The following CTTNBP2 variants were observed in gnomAD, a reference collection of about 807,000 sequenced individuals.
CTTNBP2 encodes the protein cortactin binding protein 2, also known as cortactin-binding protein 2.
In CTTNBP2, 108 loss-of-function variants were observed where a neutral mutation model predicts 156.9. The ratio of observed to expected loss-of-function variants is 0.69; its 90% CI spans 0.59 to 0.81. The LOEUF is 0.81. Among genes scored for constraint, CTTNBP2 ranks in the 30% least tolerant of loss-of-function variants. CTTNBP2 has a pLI of 0.00. For missense variants in CTTNBP2, 1,924 were observed against 2,035.4 expected, an observed-to-expected ratio of 0.95 and a Z score of 1.05; for synonymous variants, 767 against 751.8, an observed-to-expected ratio of 1.02 and a Z score of -0.33.
intron 14 of CTTNBP2, among the ~76,000 whole-genome samples, chr7:117,743,936 G>A (rs976530151): frequency 1.3e-5 from 2 of 151,904 alleles, no homozygotes; most frequent in African/African-American, 4.8e-5. Flanking sequence ...GATTCTACTG[G>A]AATTTTCCTG....
At chr7:117,736,619 C>T (rs965628668) in intron 14 of CTTNBP2, among the ~76,000 whole-genome samples, 2 of 152,104 alleles carry the variant, frequency 1.3e-5, no homozygotes, top group Non-Finnish European at 2.9e-5. Context: ...GAAGGACTGA[C>T]TTTCTGTCAA....
chr7:117,873,140 G>A (rs540792729), intron 1 of CTTNBP2, among the ~76,000 whole-genome samples, 195 bp downstream of exon 1: 3 of 152,302 alleles, frequency 2.0e-5, no homozygotes, highest in Admixed American at 1.3e-4. Context: ...CCCAGCCAGG[G>A]TGGCCGCTCC....
chr7:117,846,019 T>A (rs1288444645), intron 2 of CTTNBP2, among the ~76,000 whole-genome samples: 3 of 144,858 alleles, frequency 2.1e-5, no homozygotes, highest in African/African-American at 7.6e-5. Context: ...CCCGGCTAAT[T>A]TTTTTGTATT....
At chr7:117,774,617 C>T (rs1797995264) in intron 8 of CTTNBP2, among the ~76,000 whole-genome samples, 1 of 139,910 alleles carries the variant, frequency 7.1e-6, no homozygotes, top group East Asian at 2.6e-4. Context: ...AAACCATTCC[C>T]ACCCACCCCA....
At chr7:117,730,119 C>T (rs1795323269) in intron 16 of CTTNBP2, among the ~76,000 whole-genome samples, 2 of 152,180 alleles carry the variant, frequency 1.3e-5, no homozygotes, top group Admixed American at 6.6e-5. Flanking sequence ...ACGTAGTTGT[C>T]CCTGAGTTTT....
chr7:117,757,523 C>A, intron 11 of CTTNBP2, among the ~76,000 whole-genome samples: 1 of 119,042 alleles, frequency 8.4e-6, no homozygotes, highest in Non-Finnish European at 1.7e-5. Context: ...CATTATTAAG[C>A]ACAGTAAAAA....
At chr7:117,804,593 C>T (rs1465418341) in intron 3 of CTTNBP2, among the ~76,000 whole-genome samples, 1 of 152,154 alleles carries the variant, frequency 6.6e-6, no homozygotes, top group African/African-American at 2.4e-5. Flanking sequence ...TAAAGCTGTA[C>T]AAATGAACAA....
chr7:117,736,126 C>T (rs1204052297), intron 14 of CTTNBP2, among the ~76,000 whole-genome samples: 1 of 152,022 alleles, frequency 6.6e-6, no homozygotes, highest in Non-Finnish European at 1.5e-5. Context: ...CCTTAAATGA[C>T]CTTTAAATTA....
intron 1 of CTTNBP2, among the ~76,000 whole-genome samples, 187 bp downstream of exon 1, chr7:117,873,148 T>G (rs1412612368): frequency 6.6e-6 from 1 of 151,962 alleles, no homozygotes; most frequent in Non-Finnish European, 1.5e-5. Flanking sequence ...GGGTGGCCGC[T>G]CCGCTCCCCC....
chr7:117,791,021 A>C, intron 4 of CTTNBP2, 107 bp downstream of exon 4: 2 of 858,072 alleles, frequency 2.3e-6, no homozygotes, highest in Non-Finnish European at 3.6e-6. Flanking sequence ...GGTGGGGGGA[A>C]GCATCAAATT....
intron 2 of CTTNBP2, among the ~76,000 whole-genome samples, chr7:117,839,799 T>C (rs1364761408): frequency 6.6e-6 from 1 of 152,170 alleles, no homozygotes; most frequent in Admixed American, 6.5e-5. Flanking sequence ...CAGGGCCCCA[T>C]GGCATAATCC....
At chr7:117,720,173 C>T (rs1306639797) in intron 20 of CTTNBP2, among the ~76,000 whole-genome samples, 1 of 147,566 alleles carries the variant, frequency 6.8e-6, no homozygotes, top group East Asian at 1.9e-4. Context: ...CATGCAGTTT[C>T]CTTCATCTCC....
chr7:117,801,134 C>G (rs193169645), intron 3 of CTTNBP2, among the ~76,000 whole-genome samples: 1 of 152,180 alleles, frequency 6.6e-6, no homozygotes, highest in Admixed American at 6.5e-5. Context: ...CTTTTCCTTA[C>G]AGTAGAATGC....
chr7:117,827,581 G>A (rs1801363999), intron 2 of CTTNBP2, among the ~76,000 whole-genome samples: 1 of 152,176 alleles, frequency 6.6e-6, no homozygotes, highest in South Asian at 2.1e-4. Flanking sequence ...GAGAATGCAG[G>A]AAGTTTCCCT....
Position 117,861,188 on chromosome 7 carries a change from C to A in CTTNBP2, c.189+21G>T, listed in dbSNP as rs774706786. On this transcript the variant is annotated intron_variant, in intron 2 of 22. Coordinates refer to ENST00000160373, the MANE Select transcript of CTTNBP2 (RefSeq NM_033427.3). ...AAAGCAAATGATCCAGCATGGAGAC[C>A]CACTCCTGTGTCGTCCTTACCCGCA... is the stretch of plus-strand genomic sequence containing the variant. The A allele has an allele frequency of 2.0e-6, 3 of 1,464,070 alleles. No homozygotes were observed. In the South Asian group the frequency reaches 3.5e-5, roughly 17 times the overall value. 90.7% of individuals were successfully genotyped at this position (1,464,070 alleles called of 1,614,324 possible).
chr7:117,841,077 TAAAC>T (rs1802241841), intron 2 of CTTNBP2, among the ~76,000 whole-genome samples: 1 of 152,244 alleles, frequency 6.6e-6, no homozygotes. Flanking sequence ...TGTGTTAACT[TAAAC>T]AACATATTTA....
rs148907244 is a variant in CTTNBP2 at position 117,712,974 on chromosome 7, G to A, written c.4747-1192C>T. Among the ~76,000 whole-genome samples the A allele has an allele frequency of 6.6e-3, 998 of 152,280 alleles. 4 individuals are homozygous for A. The highest frequency in any genetic ancestry group is 0.048 in the Middle Eastern group (14 of 294). The stretch of plus-strand genomic sequence containing the variant: ...CTGGGCAGCACAGCAGGACGTGAGC[G>A]GGGGCGAGCCAGTATTACCACCTGA... On this transcript the variant is annotated intron_variant, in intron 22 of 22. Transcript: ENST00000160373.
At chr7:117,831,060 A>T (rs1801578218) in intron 2 of CTTNBP2, among the ~76,000 whole-genome samples, 1 of 152,180 alleles carries the variant, frequency 6.6e-6, no homozygotes, top group Non-Finnish European at 1.5e-5. Context: ...TATTAAACCT[A>T]CATTTTAAAC....
intron 3 of CTTNBP2, among the ~76,000 whole-genome samples, chr7:117,806,709 A>G (rs1799963625): frequency 6.6e-6 from 1 of 151,552 alleles, no homozygotes; most frequent in Admixed American, 6.6e-5. Context: ...AGCCCTGGAA[A>G]CAGAGGTTTG....
Sources: allele counts gnomAD v4.1 joint callset (sites outside exome capture counted in the v4.1 genomes callset), GRCh38; gene constraint gnomAD v4.1.1; transcripts MANE v1.5; gene names NCBI Gene and HGNC (gene_info 2026-07-23, HGNC 2026-07-21).